Variants in PHKB observed in about 807,000 individuals in gnomAD.
PHKB encodes the protein phosphorylase b kinase regulatory subunit beta.
PHKB carries 122 observed loss-of-function variants against 152.1 expected under a neutral mutation model. That is an observed-to-expected ratio of 0.80 (90% CI 0.69 to 0.93). PHKB has a LOEUF of 0.93. Ranked by LOEUF, PHKB falls within the 40% of genes least tolerant of loss-of-function variation. PHKB has a pLI of 0.00. For missense variants in PHKB, 1,304 were observed against 1,328.4 expected (o/e 0.98, Z 0.29); for synonymous variants, 436 against 464.9 (o/e 0.94, Z 0.80).
chr16:47,495,335 C>T lies in PHKB; in HGVS notation c.77-2064C>T, dbSNP rs564293697. Among the ~76,000 whole-genome samples the T allele has an allele frequency of 1.7e-3, 252 of 152,036 alleles. 2 individuals are homozygous for T. The highest frequency in any genetic ancestry group is 2.4e-3 in the Non-Finnish European group (166 of 67,964). On this transcript the variant is annotated intron_variant, in intron 1 of 30. Coordinates refer to ENST00000323584, the MANE Select transcript of PHKB (RefSeq NM_000293.3). ...TCAAAACAATCTCTCAAAATCAATT[C>T]ACCTACCATTGTAATGCAGGTTGAT...
intron 7 of PHKB, among the ~76,000 whole-genome samples, chr16:47,568,867 C>G (rs559847029): frequency 6.6e-5 from 10 of 152,186 alleles, no homozygotes; most frequent in African/African-American, 2.2e-4. Flanking sequence ...TAGTTTTGTT[C>G]TGCTGTAGTC....
intron 26 of PHKB, among the ~76,000 whole-genome samples, chr16:47,685,745 C>CTTTTTT (rs543342166): frequency 2.1e-5 from 3 of 139,600 alleles, no homozygotes; most frequent in Admixed American, 7.1e-5. Context: ...TTTTCTTTTT[C>CTTTTTT]TTTTTTTTTT....
At chr16:47,542,212 T>G (rs542089731) in intron 6 of PHKB, among the ~76,000 whole-genome samples, 40 of 152,326 alleles carry the variant, frequency 2.6e-4, no homozygotes, top group African/African-American at 8.7e-4. Flanking sequence ...AGTTTCAGCT[T>G]TCTGCGTATG....
intron 1 of PHKB, chr16:47,463,668 C>G (rs1597003816): frequency 2.1e-6 from 1 of 474,770 alleles, no homozygotes; most frequent in East Asian, 4.1e-5. Context: ...TATGTAATGT[C>G]TAATAAGTGG....
chr16:47,641,764 A>G, intron 16 of PHKB, 72 bp downstream of exon 16: 1 of 840,306 alleles, frequency 1.2e-6, no homozygotes, highest in East Asian at 2.5e-5. Flanking sequence ...CTTAGTTTAC[A>G]GACAAGTCAC....
chr16:47,649,804 A>C (rs1973202213), intron 18 of PHKB, among the ~76,000 whole-genome samples: 1 of 152,242 alleles, frequency 6.6e-6, no homozygotes, highest in Non-Finnish European at 1.5e-5. Context: ...TGAAGATTAA[A>C]AGAATTAATA....
intron 7 of PHKB, among the ~76,000 whole-genome samples, chr16:47,552,458 C>G (rs929442217): frequency 6.6e-6 from 1 of 152,096 alleles, no homozygotes; most frequent in African/African-American, 2.4e-5. Context: ...GATTTTATTT[C>G]TCCTTTGCTT....
chr16:47,578,389 T>C (rs1971784766), intron 7 of PHKB, among the ~76,000 whole-genome samples: 1 of 152,134 alleles, frequency 6.6e-6, no homozygotes, highest in Admixed American at 6.5e-5. Flanking sequence ...TTGATTGACG[T>C]ATAGGTATTT....
chr16:47,570,753 T>C (rs926261232), intron 7 of PHKB, among the ~76,000 whole-genome samples: 1 of 152,092 alleles, frequency 6.6e-6, no homozygotes, highest in East Asian at 1.9e-4. Context: ...TTATAATGAA[T>C]ATTTTGACTT....
intron 6 of PHKB, among the ~76,000 whole-genome samples, chr16:47,521,317 G>C (rs1036043828): frequency 1.3e-5 from 2 of 152,082 alleles, no homozygotes; most frequent in African/African-American, 4.8e-5. Flanking sequence ...TCCTTGTCTT[G>C]TTCCTGATTT....
chr16:47,560,862 A>G (rs1233775206), intron 7 of PHKB, among the ~76,000 whole-genome samples: 1 of 152,194 alleles, frequency 6.6e-6, no homozygotes, highest in East Asian at 1.9e-4. Context: ...TTGAAAAGTA[A>G]TAATATGTTA....
intron 26 of PHKB, among the ~76,000 whole-genome samples, chr16:47,673,987 T>C (rs918709601): frequency 6.6e-6 from 1 of 152,158 alleles, no homozygotes. Context: ...CTTGAGTACT[T>C]TCTGCATGTT....
intron 1 of PHKB, among the ~76,000 whole-genome samples, chr16:47,478,567 G>A (rs1246969729): frequency 6.7e-6 from 1 of 148,860 alleles, no homozygotes; most frequent in East Asian, 2.0e-4. Flanking sequence ...TGTGACCTTG[G>A]TTAAGTTACT....
chr16:47,528,702 T>C (rs1970808515), intron 6 of PHKB, among the ~76,000 whole-genome samples: 1 of 149,886 alleles, frequency 6.7e-6, no homozygotes. Flanking sequence ...TTTTCTTTTT[T>C]TTTTTTTTTT....
At position 47,631,202 on chromosome 16, in the gene PHKB, C is replaced by A. The variant is rs573669454; in HGVS notation, c.1459-9833C>A. Among the ~76,000 whole-genome samples, 5 of 152,284 alleles carry A rather than the reference C, an allele frequency of 3.3e-5. No individual in the cohort carries two copies. In the East Asian group the frequency reaches 9.6e-4, roughly 29 times the overall value. On this transcript the variant is annotated intron_variant, in intron 14 of 30. Transcript: ENST00000323584. ...CCTGCTATAGCAAGCAGCACATAATCTGTGAAATACGTACTGTGACATGTG... is the reference window on the plus strand; with the variant it reads ...CCTGCTATAGCAAGCAGCACATAATATGTGAAATACGTACTGTGACATGTG...
At chr16:47,640,502 A>G (rs1310581664) in intron 14 of PHKB, among the ~76,000 whole-genome samples, 4 of 152,236 alleles carry the variant, frequency 2.6e-5, no homozygotes, top group Non-Finnish European at 5.9e-5. Flanking sequence ...GTAATTACAT[A>G]GTCAACTGGG....
intron 26 of PHKB, chr16:47,675,519 A>ACACTCTCTCTCTCT (rs1491544334): frequency 1.1e-5 from 1 of 87,966 alleles, no homozygotes; most frequent in African/African-American, 3.1e-5. Flanking sequence ...ACACACACAC[A>ACACTCTCTCTCTCT]CTCTCTCTCT....
intron 1 of PHKB, among the ~76,000 whole-genome samples, chr16:47,465,169 T>G (rs1213965958): frequency 6.6e-6 from 1 of 152,230 alleles, no homozygotes; most frequent in East Asian, 1.9e-4. Context: ...AAATATTACA[T>G]GTAACAATGC....
intron 6 of PHKB, among the ~76,000 whole-genome samples, chr16:47,537,608 A>G (rs928532048): frequency 3.3e-5 from 5 of 152,168 alleles, no homozygotes; most frequent in Non-Finnish European, 7.3e-5. Context: ...AGCTCAGTCC[A>G]AATCAATGTC....
Sources: gnomAD v4.1 joint callset for allele counts (sites outside exome capture counted in the v4.1 genomes callset) on GRCh38, gnomAD v4.1.1 for gene constraint, MANE v1.5 for transcripts, NCBI Gene and HGNC (gene_info 2026-07-23, HGNC 2026-07-21) for gene names.